The following ARHGEF17 variants were observed in gnomAD, a reference collection of about 807,000 sequenced individuals.
ARHGEF17 encodes Rho guanine nucleotide exchange factor 17, also known as 164 kDa Rho-specific guanine-nucleotide exchange factor.
Under a neutral mutation model 174.0 loss-of-function variants are expected in ARHGEF17, and 80 were observed. The observed-to-expected ratio is 0.46, with a 90% CI of 0.38 to 0.55. ARHGEF17 has a LOEUF of 0.55. Ranked by LOEUF, ARHGEF17 falls within the 20% of genes least tolerant of loss-of-function variation. The pLI, the probability that ARHGEF17 is intolerant of heterozygous loss-of-function variation, is 0.00. For missense variants in ARHGEF17, 2,886 were observed against 2,839.7 expected, an observed-to-expected ratio of 1.02 and a Z score of -0.37; for synonymous variants, 1,311 against 1,189.1, an observed-to-expected ratio of 1.10 and a Z score of -2.11.
chr11:73,359,720 T>C, intron 9 of ARHGEF17, 114 bp from the exon 10 acceptor site: 1 of 858,488 alleles, frequency 1.2e-6, no homozygotes, highest in African/African-American at 1.7e-5. Context: ...GCTTTCGGTT[T>C]GTCAGGTCTC....
At chr11:73,342,590 C>T (rs765608820) in intron 1 of ARHGEF17, among the ~76,000 whole-genome samples, 12 of 152,062 alleles carry the variant, frequency 7.9e-5, no homozygotes, top group Non-Finnish European at 1.8e-4. Flanking sequence ...GGCCTGAGGG[C>T]AGGTTTCCAT....
intron 3 of ARHGEF17, among the ~76,000 whole-genome samples, chr11:73,353,441 G>A (rs1037735421): frequency 6.6e-6 from 1 of 152,204 alleles, no homozygotes; most frequent in African/African-American, 2.4e-5. Flanking sequence ...TGTTGATGCT[G>A]GCTGAGTCTT....
At chr11:73,366,283 C>A (rs1164878271) in intron 20 of ARHGEF17, among the ~76,000 whole-genome samples, 2 of 152,214 alleles carry the variant, frequency 1.3e-5, no homozygotes, top group African/African-American at 4.8e-5. Context: ...TATATATTTC[C>A]TATATGCACC....
chr11:73,317,880 T>C (rs1453778425), intron 1 of ARHGEF17, among the ~76,000 whole-genome samples: 1 of 152,122 alleles, frequency 6.6e-6, no homozygotes, highest in African/African-American at 2.4e-5. Context: ...TGGAGGGACT[T>C]CCAGGACCCA....
chr11:73,356,053 C>T, intron 5 of ARHGEF17, 100 bp downstream of exon 5: 1 of 1,573,386 alleles, frequency 6.4e-7, no homozygotes, highest in South Asian at 1.1e-5. Context: ...ACATCAGGGT[C>T]CCTAGGGGAC....
At chr11:73,362,922 T>A (rs1865772028) in intron 14 of ARHGEF17, among the ~76,000 whole-genome samples, 188 bp downstream of exon 14, 1 of 152,092 alleles carries the variant, frequency 6.6e-6, no homozygotes, top group Admixed American at 6.5e-5. Context: ...TCAGGCGGGA[T>A]CATGAAGACC....
chr11:73,308,883 T>A lies in ARHGEF17; in HGVS notation c.245T>A (p.Val82Asp). The stretch of plus-strand genomic sequence containing the variant: ...CCGCTCCGCAGCCTCTCGCCGTCGG[T>A]TCGCCAGCTCTCCCGGCGCTTCGAC... Reference protein sequence around the residue: ...PRPLRSLSPSVRQLSRRFDAP... With the variant: ...PRPLRSLSPSDRQLSRRFDAP... The change falls in exon 1 of 21, where the codon GTT becomes GAT. Residue 82 changes from valine (V) to aspartate (D), a missense_variant. Val to Asp is a radical substitution (Grantham distance 152, BLOSUM62 -3). Transcript: ENST00000263674. The A allele has an allele frequency of 1.5e-6, 2 of 1,359,318 alleles. No homozygotes were observed. Among genetic ancestry groups the A allele is most frequent in the Non-Finnish European group, 1.9e-6 (2 of 1,062,312 alleles). 84.2% of individuals were successfully genotyped at this position (1,359,318 alleles called of 1,614,324 possible).
intron 1 of ARHGEF17, among the ~76,000 whole-genome samples, chr11:73,335,295 G>A (rs995984441): frequency 9.2e-5 from 14 of 152,182 alleles, no homozygotes; most frequent in African/African-American, 2.9e-4. Context: ...CTGGGTTCTG[G>A]TTTCTCTGCC....
At position 73,309,880 on chromosome 11, in the gene ARHGEF17, C is replaced by T; in HGVS notation, c.1242C>T (p.Gly414=). The T allele has an allele frequency of 6.2e-7, 1 of 1,613,090 alleles. No homozygotes were observed. The highest frequency in any genetic ancestry group is 8.5e-7 in the Non-Finnish European group (1 of 1,179,872). ...LWSSRGSGGW[G]VYRSPSFGAG... ...CTAGTAGGGGTTCTGGGGGCTGGGG[C>T]GTGTACCGCTCCCCTAGCTTTGGAG... The change falls in exon 1 of 21, where the codon GGC becomes GGT. Residue 414 remains glycine, a synonymous_variant. Coordinates refer to ENST00000263674, the MANE Select transcript of ARHGEF17 (RefSeq NM_014786.4).
rs572235491 is a variant in ARHGEF17 at position 73,320,241 on chromosome 11, A to C, written c.3192+8411A>C. Among the ~76,000 whole-genome samples, 6 of 152,174 alleles carry C rather than the reference A, an allele frequency of 3.9e-5. No individual in the cohort carries two copies. In the East Asian group the frequency reaches 1.2e-3, roughly 29 times the overall value. On this transcript the variant is annotated intron_variant, in intron 1 of 20. Coordinates refer to ENST00000263674, the MANE Select transcript of ARHGEF17 (RefSeq NM_014786.4). ...GCTGTCCAGAATGCTGTCTCCCCGC[A>C]CGCTGGCTTTCAGACCCAGGCAAGC... is the stretch of plus-strand genomic sequence containing the variant.
At chr11:73,361,017 C>T in intron 11 of ARHGEF17, 71 bp from the exon 12 acceptor site, 2 of 1,303,542 alleles carry the variant, frequency 1.5e-6, no homozygotes, top group Admixed American at 1.8e-5. Context: ...GGGAATGGGG[C>T]AGGGGCAGGA....
intron 1 of ARHGEF17, among the ~76,000 whole-genome samples, chr11:73,313,783 T>C: frequency 6.6e-6 from 1 of 152,340 alleles, no homozygotes; most frequent in East Asian, 1.9e-4. Flanking sequence ...TGGCCTAGGA[T>C]CCATCATATC....
At chr11:73,328,480 A>T (rs1399730230) in intron 1 of ARHGEF17, among the ~76,000 whole-genome samples, 4 of 152,034 alleles carry the variant, frequency 2.6e-5, no homozygotes, top group Non-Finnish European at 5.9e-5. Context: ...CAGGCTGGGG[A>T]CTCACTTTGA....
At chr11:73,366,007 A>G (rs1407363076) in intron 20 of ARHGEF17, 60 bp downstream of exon 20, 2 of 1,554,100 alleles carry the variant, frequency 1.3e-6, no homozygotes, top group African/African-American at 1.3e-5. Context: ...AGGACTCCCC[A>G]CTATCCTGCC....
At chr11:73,320,023 G>A (rs945870202) in intron 1 of ARHGEF17, among the ~76,000 whole-genome samples, 16 of 152,180 alleles carry the variant, frequency 1.1e-4, no homozygotes, top group Admixed American at 5.2e-4. Flanking sequence ...TGGGAGTCAC[G>A]TCTCTGCCAG....
intron 2 of ARHGEF17, among the ~76,000 whole-genome samples, chr11:73,350,210 G>T (rs371872688): frequency 6.6e-6 from 1 of 152,250 alleles, no homozygotes; most frequent in South Asian, 2.1e-4. Context: ...AAGACTCACA[G>T]AGGTTAAGAA....
chr11:73,360,215 G>A lies in ARHGEF17; in HGVS notation c.4207-105G>A, dbSNP rs1021274048. 17 of 1,299,146 alleles carry A rather than the reference G, an allele frequency of 1.3e-5. No homozygotes were observed. In the Admixed American group the frequency reaches 2.6e-4, roughly 20 times the overall value. 80.5% of individuals were successfully genotyped at this position (1,299,146 alleles called of 1,614,324 possible). On this transcript the variant is annotated intron_variant, in intron 10 of 20. Coordinates refer to ENST00000263674, the MANE Select transcript of ARHGEF17 (RefSeq NM_014786.4). ...GAATCCAGGTCTGAGGGAGGAGACA[G>A]TCTCACTTGCTGTCTAAGGAGAGAG...
Position 73,309,062 on chromosome 11 carries a change from A to G in ARHGEF17, c.424A>G (p.Ser142Gly). Residue 142 changes from serine to glycine, a missense_variant, in exon 1 of 21, where the codon AGC (serine) becomes GGC (glycine). Physicochemically the swap from Ser to Gly is moderately conservative, Grantham distance 56 (BLOSUM62 0). Around this residue, in one of 4 missense-constraint regions of ARHGEF17, gnomAD observed 1,728 missense variants for 1,461.2 expected, o/e 1.18. Coordinates refer to ENST00000263674, the MANE Select transcript of ARHGEF17 (RefSeq NM_014786.4). Reference sequence around the variant, plus strand: ...CGGCGGTCCTGGCTCCAGGAGGCCCAGCGCCGACTCTGAATCCCCAGGAAC... The same window carrying G: ...CGGCGGTCCTGGCTCCAGGAGGCCCGGCGCCGACTCTGAATCCCCAGGAAC... ...LFGGPGSRRP[S>G]ADSESPGTPS... 4 of 1,505,032 alleles carry G rather than the reference A, an allele frequency of 2.7e-6. No homozygotes were observed. Among genetic ancestry groups the G allele is most frequent in the East Asian group, 2.8e-5 (1 of 36,156 alleles). The allele number at this position is 1,505,032 out of a possible 1,614,324, so 93.2% of individuals were successfully genotyped here.
At chr11:73,316,569 A>T (rs951667870) in intron 1 of ARHGEF17, among the ~76,000 whole-genome samples, 1 of 152,250 alleles carries the variant, frequency 6.6e-6, no homozygotes, top group Non-Finnish European at 1.5e-5. Context: ...GGAGCAGGTC[A>T]GGTGGCTGAG....
Sources: allele counts gnomAD v4.1 joint callset (sites outside exome capture counted in the v4.1 genomes callset), GRCh38; gene constraint gnomAD v4.1.1; regional missense constraint gnomAD v4.1.1; transcripts MANE v1.5; gene names NCBI Gene and HGNC (gene_info 2026-07-23, HGNC 2026-07-21).